The following RELCH variants were observed in gnomAD, a reference collection of about 807,000 sequenced individuals.
RELCH encodes RAB11-binding protein RELCH.
A neutral mutation model predicts 150.3 loss-of-function variants in RELCH; 41 were observed. That is an observed-to-expected ratio of 0.27 (90% confidence interval 0.21 to 0.35). The LOEUF (loss-of-function observed/expected upper bound fraction) is 0.35, where lower values mean the gene tolerates loss of function less well. Ranked by LOEUF, RELCH falls within the 10% of genes least tolerant of loss-of-function variation. The pLI is 1.00. For synonymous variants in RELCH, 478 were observed against 531.8 expected, an observed-to-expected ratio of 0.90 and a Z score of 1.39; for missense variants, 1,092 against 1,467.8, an observed-to-expected ratio of 0.74 and a Z score of 4.18.
intron 14 of RELCH, 143 bp from the exon 15 acceptor site, chr18:62,258,368 TG>T: frequency 1.3e-6 from 1 of 743,692 alleles, no homozygotes; most frequent in South Asian, 2.0e-5. Flanking sequence ...AGTGGATACA[TG>T]GCAAGGCTAG....
chr18:62,190,981 T>C (rs2148162848), intron 1 of RELCH, among the ~76,000 whole-genome samples: 1 of 152,356 alleles, frequency 6.6e-6, no homozygotes, highest in East Asian at 1.9e-4. Context: ...TCATAGAACG[T>C]ATTTTTTTGT....
chr18:62,230,254 G>A (rs1227330633), intron 8 of RELCH, among the ~76,000 whole-genome samples: 1 of 152,016 alleles, frequency 6.6e-6, no homozygotes, highest in African/African-American at 2.4e-5. Context: ...CTTGAGCCCA[G>A]GAGTTCTAGA....
chr18:62,223,969 CT>C (rs879890828), intron 5 of RELCH, among the ~76,000 whole-genome samples: 103 of 150,730 alleles, frequency 6.8e-4, no homozygotes, highest in Non-Finnish European at 9.4e-4. Flanking sequence ...CATTCTTTTT[CT>C]TTTTTTTTAT....
At chr18:62,209,399 C>A (rs2040016618) in intron 1 of RELCH, among the ~76,000 whole-genome samples, 1 of 152,138 alleles carries the variant, frequency 6.6e-6, no homozygotes, top group Non-Finnish European at 1.5e-5. Context: ...AAACTTCTTT[C>A]CTCCAGTGAA....
At chr18:62,252,978 G>A (rs1027021573) in intron 12 of RELCH, among the ~76,000 whole-genome samples, 2 of 152,092 alleles carry the variant, frequency 1.3e-5, no homozygotes, top group African/African-American at 4.8e-5. Context: ...TCAGTGCCAG[G>A]TACTGAGGTA....
At chr18:62,195,114 A>G (rs1306779505) in intron 1 of RELCH, among the ~76,000 whole-genome samples, 1 of 152,236 alleles carries the variant, frequency 6.6e-6, no homozygotes, top group South Asian at 2.1e-4. Flanking sequence ...GATGTTTTCA[A>G]TAGAATTTCT....
Position 62,187,393 on chromosome 18 carries a change from A to G in RELCH, c.-113A>G. On this transcript the variant is annotated 5_prime_UTR_variant, in exon 1 of 29. Coordinates refer to ENST00000644646, the MANE Select transcript of RELCH (RefSeq NM_001346231.2). ...CCTTGTCTCTAAGTCGGGAGGCAGG[A>G]CGTGGTCAGGCCGGGGCTGTGGAGG... is the stretch of plus-strand genomic sequence containing the variant. 1 of 1,013,906 alleles carries G rather than the reference A, an allele frequency of 9.9e-7. No homozygotes were observed. The highest frequency in any genetic ancestry group is 1.4e-6 in the Non-Finnish European group (1 of 731,786). 62.8% of individuals were successfully genotyped at this position (1,013,906 alleles called of 1,614,324 possible).
intron 16 of RELCH, 80 bp downstream of exon 16, chr18:62,261,738 C>T: frequency 8.1e-7 from 1 of 1,241,456 alleles, no homozygotes; most frequent in South Asian, 1.5e-5. Flanking sequence ...TATTAAAAGT[C>T]TAAAAATCAC....
intron 10 of RELCH, among the ~76,000 whole-genome samples, chr18:62,242,449 TAGC>T (rs2042195458): frequency 6.6e-6 from 1 of 152,180 alleles, no homozygotes; most frequent in Non-Finnish European, 1.5e-5. Context: ...AAGGAAAAAT[TAGC>T]AGCAATAGAT....
chr18:62,282,285 T>C, intron 24 of RELCH, 21 bp from the exon 25 acceptor site: 1 of 1,603,152 alleles, frequency 6.2e-7, no homozygotes, highest in Non-Finnish European at 8.5e-7. Flanking sequence ...ATGAAATGAC[T>C]GTACAATATC....
chr18:62,278,403 T>C (rs1456533431), intron 22 of RELCH, among the ~76,000 whole-genome samples: 1 of 152,174 alleles, frequency 6.6e-6, no homozygotes, highest in Non-Finnish European at 1.5e-5. Context: ...AATTATCTGT[T>C]TTTTTATAAA....
chr18:62,264,010 T>C lies in RELCH; in HGVS notation c.2372T>C (p.Met791Thr), dbSNP rs2144719947. The C allele has an allele frequency of 2.5e-6, 4 of 1,608,752 alleles. No homozygotes were observed. The highest frequency in any genetic ancestry group is 1.7e-6 in the Non-Finnish European group (2 of 1,177,644). ...GTAGTGACTAGGTTTCCTCGGCCTA[T>C]GTCGCCTCTTCAAGATGTGTCCACT... Reference protein sequence around the residue: ...QIEVTRFPRPMSPLQDVSTII... With the variant: ...QIEVTRFPRPTSPLQDVSTII... The change falls in exon 17 of 29, where the codon ATG (methionine) becomes ACG (threonine). Residue 791 changes from methionine (M) to threonine (T), a missense_variant. Transcript: ENST00000644646.
intron 26 of RELCH, 23 bp from the exon 27 acceptor site, chr18:62,291,520 T>A: frequency 1.3e-6 from 2 of 1,514,238 alleles, no homozygotes; most frequent in Non-Finnish European, 1.8e-6. Context: ...TTTGTTTAAT[T>A]CCCTTAACTA....
At chr18:62,232,671 CACTA>C (rs1459037657) in intron 10 of RELCH, among the ~76,000 whole-genome samples, 2 of 152,070 alleles carry the variant, frequency 1.3e-5, no homozygotes, top group Admixed American at 1.3e-4. Flanking sequence ...GCTTCTGCAG[CACTA>C]ACTATTACTG....
At chr18:62,258,448 A>T in intron 14 of RELCH, 64 bp from the exon 15 acceptor site, 1 of 1,333,636 alleles carries the variant, frequency 7.5e-7, no homozygotes, top group Non-Finnish European at 1.0e-6. Context: ...ATTACTTTTT[A>T]TTAAGTGTTT....
At chr18:62,282,267 A>C (rs1426018050) in intron 24 of RELCH, 39 bp from the exon 25 acceptor site, 1 of 1,581,846 alleles carries the variant, frequency 6.3e-7, no homozygotes, top group Non-Finnish European at 8.7e-7. Flanking sequence ...CTCAGTTTTC[A>C]ATATTCTATG....
chr18:62,251,586 C>T (rs192994467), intron 11 of RELCH, among the ~76,000 whole-genome samples: 239 of 152,308 alleles, frequency 1.6e-3, no homozygotes, highest in Non-Finnish European at 2.4e-3. Flanking sequence ...AGACACAAGT[C>T]ACTAGGCCCA....
intron 11 of RELCH, chr18:62,247,399 G>A (rs2042470826): frequency 6.6e-6 from 1 of 151,992 alleles, no homozygotes; most frequent in Non-Finnish European, 1.5e-5. Context: ...ATAAATGTAG[G>A]CTTAGAGGAA....
intron 1 of RELCH, among the ~76,000 whole-genome samples, chr18:62,198,718 T>A (rs1374891766): frequency 6.6e-6 from 1 of 152,230 alleles, no homozygotes; most frequent in Admixed American, 6.5e-5. Context: ...TATTTATTCA[T>A]GTCATTCTAG....
Sources: gnomAD v4.1 joint callset for allele counts (sites outside exome capture counted in the v4.1 genomes callset) on GRCh38, gnomAD v4.1.1 for gene constraint, MANE v1.5 for transcripts, NCBI Gene and HGNC (gene_info 2026-07-23, HGNC 2026-07-21) for gene names.